The following PIH1D2 variants were observed in gnomAD, a reference collection of about 807,000 sequenced individuals.
PIH1D2 encodes the protein PIH1 domain-containing protein 2.
In PIH1D2, 25 loss-of-function variants were observed where a neutral mutation model predicts 31.2. That is an observed-to-expected ratio of 0.80 (90% CI 0.58 to 1.12). PIH1D2 has a LOEUF of 1.12. Among genes scored for constraint, PIH1D2 ranks in the 50% most tolerant of loss-of-function variants. PIH1D2 has a pLI of 0.00. For synonymous variants in PIH1D2, 116 were observed against 119.9 expected, an observed-to-expected ratio of 0.97 and a Z score of 0.21; for missense variants, 310 against 356.6, an observed-to-expected ratio of 0.87 and a Z score of 1.05.
rs1555185063 is a variant in PIH1D2 at position 112,073,154 on chromosome 11, A to G, written c.21T>C (p.Gly7=). The change falls in exon 2 of 6, where the codon GGT becomes GGC. Residue 7 remains glycine, a synonymous_variant. Transcript: ENST00000280350. The part of the protein sequence containing the change: METSSK[G]LLTQVTQFWN... Reference sequence around the variant, plus strand: ...AAAACTGAGTAACTTGGGTAAGCAGACCTTTTGAGGATGTCTCCATGACTT... The same window carrying G: ...AAAACTGAGTAACTTGGGTAAGCAGGCCTTTTGAGGATGTCTCCATGACTT... 2 of 1,612,654 alleles carry G rather than the reference A, an allele frequency of 1.2e-6. No individual in the cohort carries two copies. Among genetic ancestry groups the G allele is most frequent in the Non-Finnish European group, 1.7e-6 (2 of 1,179,000 alleles).
In PIH1D2 at chr11:112,070,721, G is replaced by A. The variant is rs782135921; in HGVS notation, c.548-20C>T. On this transcript the variant is annotated intron_variant, in intron 4 of 5. Coordinates refer to ENST00000280350, the MANE Select transcript of PIH1D2 (RefSeq NM_138789.4). ...TTAGTTCTTTATGAAAAAAAGGGTG[G>A]AGGGGAGATAAAAAATAAATCTACA... 1.2e-6 allele frequency: 2 copies of A among 1,602,102 alleles called. No individual in the cohort carries two copies. The highest frequency in any genetic ancestry group is 1.7e-6 in the Non-Finnish European group (2 of 1,173,780).
In PIH1D2 at chr11:112,068,014, A is replaced by G. The variant is rs374453423; in HGVS notation, c.814-9T>C. 48 of 1,531,142 alleles carry G rather than the reference A, an allele frequency of 3.1e-5. No individual in the cohort carries two copies. The highest frequency in any genetic ancestry group is 4.0e-5 in the Non-Finnish European group (45 of 1,116,334). The allele number at this position is 1,531,142 out of a possible 1,614,324, so 94.8% of individuals were successfully genotyped here. On this transcript the variant is annotated splice_polypyrimidine_tract_variant and intron_variant, in intron 5 of 5. Transcript: ENST00000280350. ...TCAATCAATAAATCATCCTAAGAAT[A>G]ATAAACCAAGAGATTTATTTCCTGC... is the stretch of plus-strand genomic sequence containing the variant.
intron 5 of PIH1D2, among the ~76,000 whole-genome samples, chr11:112,068,383 G>A (rs1189968126): frequency 6.6e-6 from 1 of 152,192 alleles, no homozygotes; most frequent in Non-Finnish European, 1.5e-5. Flanking sequence ...GTGGCTTTAG[G>A]TGAAGAAGTG....
Position 112,072,900 on chromosome 11 carries a change from C to A in PIH1D2, c.177+98G>T, listed in dbSNP as rs201166560. On this transcript the variant is annotated intron_variant, in intron 2 of 5. Coordinates refer to ENST00000280350, the MANE Select transcript of PIH1D2 (RefSeq NM_138789.4). The stretch of plus-strand genomic sequence containing the variant: ...AAAACAAAACAAAACAAAAAAAAAA[C>A]AAAAAAAATTAGCAATACCTAAGTG... 4,142 of 1,016,064 alleles carry A rather than the reference C, an allele frequency of 4.1e-3. 2 individuals carry two copies. Among genetic ancestry groups the A allele is most frequent in the Admixed American group, 6.6e-3 (210 of 31,604 alleles). 62.9% of individuals were successfully genotyped at this position (1,016,064 alleles called of 1,614,324 possible).
Position 112,071,264 on chromosome 11 carries a change from A to T in PIH1D2, c.321T>A (p.Asp107Glu), listed in dbSNP as rs977784722. The T allele has an allele frequency of 1.2e-6, 2 of 1,613,340 alleles. No individual in the cohort carries two copies. The highest frequency in any genetic ancestry group is 1.7e-5 in the Admixed American group (1 of 59,958). Residue 107 changes from aspartate to glutamate, a missense_variant, in exon 4 of 6, where the codon GAT becomes GAA. Coordinates refer to ENST00000280350, the MANE Select transcript of PIH1D2 (RefSeq NM_138789.4). Reference sequence around the variant, plus strand: ...GAAGAACATCAGGATTGTAGGCAACATCAATGACTGTGTAAGCATCTGTGT... The same window carrying T: ...GAAGAACATCAGGATTGTAGGCAACTTCAATGACTGTGTAAGCATCTGTGT... ...TEISDAYTVIDVAYNPDVLHA... is the reference protein window; with the variant it reads ...TEISDAYTVIEVAYNPDVLHA...
At chr11:112,053,132 G>A in the PIH1D2 span, among the ~76,000 whole-genome samples, 2 of 152,056 alleles carry the variant, frequency 1.3e-5, no homozygotes, top group Non-Finnish European at 2.9e-5. Flanking sequence ...GACCAGCCTG[G>A]CCAACATGGT....
the PIH1D2 span, among the ~76,000 whole-genome samples, chr11:112,053,052 G>A: frequency 1.3e-5 from 2 of 152,052 alleles, no homozygotes; most frequent in South Asian, 2.1e-4. Flanking sequence ...TTTTAGGGCC[G>A]GGCTCACACC....
intron 3 of PIH1D2, 105 bp from the exon 4 acceptor site, chr11:112,071,388 C>A (rs1324707226): frequency 7.8e-6 from 11 of 1,413,332 alleles, no homozygotes; most frequent in Non-Finnish European, 1.1e-5. Context: ...AGAGAATATT[C>A]CTGTATTTTT....
the PIH1D2 span, among the ~76,000 whole-genome samples, chr11:112,055,847 ACTTTTTTTTTTT>A: frequency 1.6e-4 from 8 of 49,694 alleles, no homozygotes; most frequent in African/African-American, 5.6e-4. Context: ...GCATATAGAC[ACTTTTTTTTTTT>A]TTTTTTTTTT....
At chr11:112,059,865 AAC>A (rs1466833836), downstream of PIH1D2, 7 of 1,513,330 alleles carry the variant, frequency 4.6e-6, no homozygotes, top group South Asian at 1.3e-5. Context: ...GCTCTTAATA[AAC>A]AGTTTTTTAT....
chr11:112,073,775 A>G (rs1357924840), intron 1 of PIH1D2, among the ~76,000 whole-genome samples: 1 of 152,232 alleles, frequency 6.6e-6, no homozygotes, highest in East Asian at 1.9e-4. Flanking sequence ...ACGTCTTCAG[A>G]TAAATCTCCT....
chr11:112,063,990 G>C (rs957900061), downstream of PIH1D2: 39 of 500,974 alleles, frequency 7.8e-5, no homozygotes, highest in Non-Finnish European at 7.5e-5. Context: ...ATTATTACAT[G>C]GTACACAAGT....
In PIH1D2 at chr11:112,070,674, C is replaced by T; in HGVS notation, c.575G>A (p.Ser192Asn). ...AAAGTGATCTGGATTGCTCATAGTACTGCTTCGTATCTGTCCAAGAGTTAG... is the reference window on the plus strand; with the variant it reads ...AAAGTGATCTGGATTGCTCATAGTATTGCTTCGTATCTGTCCAAGAGTTAG... ...RELTLGQIRS[S>N]TMSNPDHFPQ... is the part of the protein sequence containing the mutation. The change falls in exon 5 of 6, where the codon AGT (serine) becomes AAT (asparagine). Residue 192 changes from serine to asparagine, a missense_variant. By Grantham distance (46) the Ser-to-Asn change is conservative. Coordinates refer to ENST00000280350, the MANE Select transcript of PIH1D2 (RefSeq NM_138789.4). 6.2e-7 allele frequency: 1 copy of T among 1,614,060 alleles called. No homozygotes were observed. Among genetic ancestry groups the T allele is most frequent in the South Asian group, 1.1e-5 (1 of 91,080 alleles).
At chr11:112,062,688 A>G (rs1325680563), downstream of PIH1D2, 2 of 885,492 alleles carry the variant, frequency 2.3e-6, no homozygotes, top group African/African-American at 3.4e-5. Flanking sequence ...GGCATTACTG[A>G]ATTTTTAAAA....
At position 112,070,574 on chromosome 11, in the gene PIH1D2, T is replaced by C. The variant is rs1555184418; in HGVS notation, c.675A>G (p.Glu225=). 6.2e-7 allele frequency: 1 copy of C among 1,614,148 alleles called. No homozygotes were observed. Among genetic ancestry groups the C allele is most frequent in the Non-Finnish European group, 8.5e-7 (1 of 1,180,030 alleles). ...VCLIEEISST[E]IQVEMKMPAY... ...CTGGCATCTTCATCTCCACCTGGAT[T>C]TCAGTACTGGAAATCTCTTCTATCA... is the stretch of plus-strand genomic sequence containing the variant. Residue 225 remains glutamate (E), a synonymous_variant, in exon 5 of 6, where the codon GAA becomes GAG. Coordinates refer to ENST00000280350, the MANE Select transcript of PIH1D2 (RefSeq NM_138789.4).
downstream of PIH1D2, chr11:112,062,323 G>A: frequency 2.1e-6 from 3 of 1,450,284 alleles, no homozygotes; most frequent in South Asian, 3.5e-5. Flanking sequence ...GGATTATAGG[G>A]TAGGAGTGAG....
At chr11:112,056,799 T>C in the PIH1D2 span, among the ~76,000 whole-genome samples, 1 of 152,268 alleles carries the variant, frequency 6.6e-6, no homozygotes, top group South Asian at 2.1e-4. Context: ...CAATAGTGGA[T>C]AAGTGTTCCA....
rs1865117597 is a variant in PIH1D2 at position 112,071,656 on chromosome 11, C to T, written c.280G>A (p.Glu94Lys). The stretch of plus-strand genomic sequence containing the variant: ...GTACCTGATATCTCAGTTGTATCTT[C>T]TGGTTTGCCAACAGTTAGAGGTACT... ...HPVPLTVGKPEDTTEISDAYT... is the reference protein window; with the variant it reads ...HPVPLTVGKPKDTTEISDAYT... Residue 94 changes from glutamate to lysine, a missense_variant, in exon 3 of 6, where the codon GAA (glutamate) becomes AAA (lysine). Transcript: ENST00000280350. 2 of 1,613,732 alleles carry T rather than the reference C, an allele frequency of 1.2e-6. No individual in the cohort carries two copies. Among genetic ancestry groups the T allele is most frequent in the African/African-American group, 2.7e-5 (2 of 74,930 alleles).
intron 5 of PIH1D2, among the ~76,000 whole-genome samples, chr11:112,068,973 A>ATTTTTTTTTTTGT (rs1159827826): frequency 7.4e-6 from 1 of 134,396 alleles, no homozygotes; most frequent in African/African-American, 3.0e-5. Flanking sequence ...AAACCTCTGA[A>ATTTTTTTTTTTGT]TTTTTTTTGT....
Sources: allele counts gnomAD v4.1 joint callset (sites outside exome capture counted in the v4.1 genomes callset), GRCh38; gene constraint gnomAD v4.1.1; transcripts MANE v1.5; gene names NCBI Gene and HGNC (gene_info 2026-07-23, HGNC 2026-07-21).